Variants in CRYBG1 observed in about 807,000 individuals in gnomAD.
The protein encoded by CRYBG1 is crystallin beta-gamma domain containing 1.
In CRYBG1, 139 loss-of-function variants were observed where a neutral mutation model predicts 189.2. The ratio of observed to expected loss-of-function variants is 0.73; its 90% CI spans 0.64 to 0.85. The LOEUF (loss-of-function observed/expected upper bound fraction) is 0.85. CRYBG1 is among the 40% of genes least tolerant of loss of function. The pLI is 0.00. For missense variants in CRYBG1, 2,611 were observed against 2,675.8 expected (o/e 0.98, Z 0.53); for synonymous variants, 1,023 against 1,017.1 (o/e 1.01, Z -0.11).
chr6:106,449,841 A>G (rs543733127), intron 1 of CRYBG1, among the ~76,000 whole-genome samples: 80 of 152,366 alleles, frequency 5.3e-4, no homozygotes, highest in African/African-American at 1.7e-3. Context: ...CTTTCATAGT[A>G]TGAAACTAAA....
chr6:106,525,695 G>C (rs1340235685), intron 6 of CRYBG1, among the ~76,000 whole-genome samples: 1 of 152,006 alleles, frequency 6.6e-6, no homozygotes, highest in African/African-American at 2.4e-5. Flanking sequence ...ACATACTCTT[G>C]GTTGATGACC....
chr6:106,474,434 A>C (rs767536424), intron 2 of CRYBG1, among the ~76,000 whole-genome samples: 69 of 152,250 alleles, frequency 4.5e-4, no homozygotes, highest in Non-Finnish European at 7.9e-4. Context: ...TCTCCTTTTT[A>C]TGTGCTTTCA....
At chr6:106,393,212 G>A (rs1770541878) in intron 1 of CRYBG1, among the ~76,000 whole-genome samples, 1 of 152,178 alleles carries the variant, frequency 6.6e-6, no homozygotes, top group Non-Finnish European at 1.5e-5. Context: ...TTCTGAGATG[G>A]AACATGGAGG....
At chr6:106,428,342 A>G (rs1771265405) in intron 1 of CRYBG1, among the ~76,000 whole-genome samples, 1 of 152,212 alleles carries the variant, frequency 6.6e-6, no homozygotes, top group Admixed American at 6.5e-5. Flanking sequence ...TGTCTTATGT[A>G]AACAACCAAT....
intron 21 of CRYBG1, among the ~76,000 whole-genome samples, chr6:106,565,315 C>A (rs1028784807): frequency 3.2e-5 from 1 of 31,484 alleles, no homozygotes; most frequent in East Asian, 1.4e-3. Flanking sequence ...GGCAAGACTT[C>A]GTCTCAAAAA....
chr6:106,512,501 T>A lies in CRYBG1; in HGVS notation c.1384T>A (p.Ser462Thr), dbSNP rs756154823. The part of the protein sequence containing the change: ...VAPNAASDNA[S>T]AEKKVKSPRA... ...GCCAAACGCGGCCAGCGATAACGCC[T>A]CGGCGGAAAAGAAAGTGAAATCTCC... The change falls in exon 3 of 22, where the codon TCG (serine) becomes ACG (threonine). Residue 462 changes from serine to threonine, a missense_variant. This residue lies in a region of CRYBG1 where 985 missense variants were observed against 924.4 expected (regional missense o/e 1.07). Transcript: ENST00000633556. The A allele has an allele frequency of 3.7e-6, 6 of 1,611,132 alleles. No homozygotes were observed. The highest frequency in any genetic ancestry group is 4.2e-6 in the Non-Finnish European group (5 of 1,179,202).
At chr6:106,541,515 C>A in intron 9 of CRYBG1, 71 bp from the exon 10 acceptor site, 1 of 1,393,862 alleles carries the variant, frequency 7.2e-7, no homozygotes, top group Non-Finnish European at 1.0e-6. Flanking sequence ...TTACTGTAAA[C>A]TGCTATGGCT....
intron 19 of CRYBG1, 62 bp from the exon 20 acceptor site, chr6:106,561,280 G>A (rs767958646): frequency 3.4e-4 from 520 of 1,545,462 alleles, no homozygotes; most frequent in South Asian, 4.8e-4. Flanking sequence ...TGATATTCAT[G>A]CTTGTTCAGT....
intron 2 of CRYBG1, among the ~76,000 whole-genome samples, chr6:106,459,461 T>A (rs1269174749): frequency 6.6e-6 from 1 of 151,716 alleles, no homozygotes. Context: ...TTCCTCACCC[T>A]GAGAGGTAAC....
At chr6:106,362,981 C>G in intron 1 of CRYBG1, among the ~76,000 whole-genome samples, 1 of 151,984 alleles carries the variant, frequency 6.6e-6, no homozygotes, top group Non-Finnish European at 1.5e-5. Flanking sequence ...CGCGGTGGCT[C>G]ACGCCTGTAA....
chr6:106,507,009 G>A (rs1773144809), intron 2 of CRYBG1, among the ~76,000 whole-genome samples: 1 of 152,170 alleles, frequency 6.6e-6, no homozygotes, highest in Non-Finnish European at 1.5e-5. Flanking sequence ...GGTAGCAAAT[G>A]TTACAAGGTA....
chr6:106,556,124 CT>C (rs1242820600), intron 17 of CRYBG1, among the ~76,000 whole-genome samples: 1 of 152,152 alleles, frequency 6.6e-6, no homozygotes, highest in Non-Finnish European at 1.5e-5. Flanking sequence ...CCCTATGGAC[CT>C]GAGTGGGAGT....
chr6:106,462,342 T>C (rs1046456830), intron 2 of CRYBG1, among the ~76,000 whole-genome samples: 2 of 152,142 alleles, frequency 1.3e-5, no homozygotes, highest in Non-Finnish European at 2.9e-5. Flanking sequence ...AGCTAATTTT[T>C]TGTATTTTTA....
chr6:106,429,821 A>C (rs4946752), intron 1 of CRYBG1, among the ~76,000 whole-genome samples: 15,061 of 152,202 alleles, frequency 0.099, 826 homozygotes, highest in South Asian at 0.13. Context: ...TGTAAAATGC[A>C]TACTTAGCAC....
In CRYBG1 at chr6:106,522,062, T is replaced by C. The variant is rs150134214; in HGVS notation, c.4245+609T>C. On this transcript the variant is annotated intron_variant, in intron 4 of 21. Transcript: ENST00000633556. ...ATAAATCTTTTAAGGCACATGTGAATTTATATGTTGTATTATGAAAGGTAT... is the reference window on the plus strand; with the variant it reads ...ATAAATCTTTTAAGGCACATGTGAACTTATATGTTGTATTATGAAAGGTAT... Among the ~76,000 whole-genome samples, 487 of 152,250 alleles carry C rather than the reference T, an allele frequency of 3.2e-3. 2 individuals carry two copies. Among genetic ancestry groups the C allele is most frequent in the Non-Finnish European group, 5.2e-3 (357 of 68,016 alleles).
chr6:106,492,650 G>A (rs17067108), intron 2 of CRYBG1, among the ~76,000 whole-genome samples: 17,431 of 152,116 alleles, frequency 0.11, 1,261 homozygotes, highest in African/African-American at 0.2. Flanking sequence ...CTTCTTCTAC[G>A]CAGGCCATCC....
intron 21 of CRYBG1, among the ~76,000 whole-genome samples, chr6:106,564,775 G>A (rs1333800303): frequency 6.6e-6 from 1 of 152,198 alleles, no homozygotes; most frequent in Non-Finnish European, 1.5e-5. Flanking sequence ...GACAGGTGCA[G>A]ATGGTGTGTT....
chr6:106,549,860 G>A (rs1186069373), intron 13 of CRYBG1, among the ~76,000 whole-genome samples: 1 of 152,072 alleles, frequency 6.6e-6, no homozygotes, highest in Admixed American at 6.6e-5. Flanking sequence ...TCAGCCCTTT[G>A]GATAGTAAAA....
chr6:106,515,703 T>G (rs1373046477), intron 3 of CRYBG1, among the ~76,000 whole-genome samples: 1 of 152,056 alleles, frequency 6.6e-6, no homozygotes, highest in East Asian at 1.9e-4. Flanking sequence ...CTAAGTATCT[T>G]ATGGAGATAT....
Sources: gnomAD v4.1 joint callset for allele counts (sites outside exome capture counted in the v4.1 genomes callset) on GRCh38, gnomAD v4.1.1 for gene constraint, gnomAD v4.1.1 regional missense constraint, MANE v1.5 for transcripts, NCBI Gene and HGNC (gene_info 2026-07-23, HGNC 2026-07-21) for gene names.